The following DOCK4 variants were observed in gnomAD, a reference collection of about 807,000 sequenced individuals.
DOCK4 encodes the protein dedicator of cytokinesis protein 4.
A neutral mutation model predicts 268.1 loss-of-function variants in DOCK4; 97 were observed. The ratio of observed to expected loss-of-function variants is 0.36; its 90% CI spans 0.31 to 0.43. DOCK4 has a LOEUF of 0.43. Ranked by LOEUF, DOCK4 falls within the 20% of genes least tolerant of loss-of-function variation. The probability of loss-of-function intolerance (pLI) is 1.00; values close to 1 mark genes in which losing one functional copy is unlikely to be tolerated. For synonymous variants in DOCK4, 954 were observed against 887.2 expected (o/e 1.08, Z -1.34); for missense variants, 2,145 against 2,455.7 (o/e 0.87, Z 2.67).
At chr7:111,832,270 C>T (rs1802880567) in intron 26 of DOCK4, among the ~76,000 whole-genome samples, 1 of 152,146 alleles carries the variant, frequency 6.6e-6, no homozygotes, top group South Asian at 2.1e-4. Context: ...GGAAGTTTTC[C>T]TGTTGCCTTG....
At chr7:112,009,648 G>A (rs1801132649) in intron 1 of DOCK4, among the ~76,000 whole-genome samples, 1 of 152,020 alleles carries the variant, frequency 6.6e-6, no homozygotes, top group Admixed American at 6.6e-5. Context: ...ATTCGGCTCT[G>A]GCGTGTCATG....
chr7:112,164,571 C>T lies in DOCK4; in HGVS notation c.37+41531G>A, dbSNP rs149833987. Among the ~76,000 whole-genome samples, 629 of 152,286 alleles carry T rather than the reference C, an allele frequency of 4.1e-3. 2 individuals are homozygous for T. The highest frequency in any genetic ancestry group is 0.017 in the Middle Eastern group (5 of 294). ...TTTATATACTCTATACACACACACA[C>T]GACTTTGTGTTCTATCTAAAATTCA... On this transcript the variant is annotated intron_variant, in intron 1 of 52. Transcript: ENST00000428084.
intron 28 of DOCK4, among the ~76,000 whole-genome samples, chr7:111,810,654 T>C (rs1223251429): frequency 6.6e-6 from 1 of 152,000 alleles, no homozygotes; most frequent in East Asian, 1.9e-4. Context: ...TCAAATGTAA[T>C]TGGTACAACC....
intron 1 of DOCK4, among the ~76,000 whole-genome samples, chr7:112,147,795 ATTTTTTTTTTTT>A (rs553280609): frequency 2.2e-4 from 23 of 102,860 alleles, no homozygotes; most frequent in Admixed American, 2.2e-4. Flanking sequence ...GCAAACGTAG[ATTTTTTTTTTTT>A]TTTTTTTTTT....
At chr7:112,016,949 G>C (rs1801858732) in intron 1 of DOCK4, among the ~76,000 whole-genome samples, 1 of 152,126 alleles carries the variant, frequency 6.6e-6, no homozygotes, top group African/African-American at 2.4e-5. Flanking sequence ...TTGCTTTTGA[G>C]CGATTTCAGC....
chr7:111,729,780 C>G (rs921941807), intron 52 of DOCK4, among the ~76,000 whole-genome samples: 1 of 152,174 alleles, frequency 6.6e-6, no homozygotes, highest in Admixed American at 6.6e-5. Context: ...CAGAGGCACC[C>G]GAGGTTCTGC....
intron 23 of DOCK4, among the ~76,000 whole-genome samples, chr7:111,861,469 G>A (rs1412494137): frequency 3.3e-5 from 5 of 151,992 alleles, no homozygotes; most frequent in African/African-American, 7.2e-5. Context: ...ATATTAGGCC[G>A]GGTGTGGTGG....
chr7:112,018,179 A>AAAAAAAAACACACAC, intron 1 of DOCK4, among the ~76,000 whole-genome samples: 1 of 72,590 alleles, frequency 1.4e-5, no homozygotes, highest in African/African-American at 5.4e-5. Context: ...AAAAAAAAAA[A>AAAAAAAAACACACAC]ACACAGGCAA....
At chr7:112,156,138 G>C (rs967892568) in intron 1 of DOCK4, among the ~76,000 whole-genome samples, 18 of 151,996 alleles carry the variant, frequency 1.2e-4, no homozygotes, top group African/African-American at 4.1e-4. Context: ...CCTTGAAATT[G>C]TACTTTACTG....
intron 1 of DOCK4, among the ~76,000 whole-genome samples, chr7:112,136,898 A>G (rs1008148116): frequency 2.6e-5 from 4 of 152,192 alleles, no homozygotes; most frequent in Non-Finnish European, 5.9e-5. Flanking sequence ...TTTATTTTCA[A>G]TGGGAAAGCA....
At chr7:111,732,109 A>T (rs1387098727) in intron 52 of DOCK4, 117 bp downstream of exon 52, 7 of 1,029,332 alleles carry the variant, frequency 6.8e-6, no homozygotes, top group Non-Finnish European at 7.2e-6. Context: ...TCCCTGATTG[A>T]TAAGTTCTTT....
intron 8 of DOCK4, chr7:111,971,186 T>G (rs536632505): frequency 6.5e-6 from 1 of 153,060 alleles, no homozygotes; most frequent in African/African-American, 2.4e-5. Context: ...AGGAGATTAT[T>G]TTTATGTACA....
intron 25 of DOCK4, among the ~76,000 whole-genome samples, chr7:111,844,020 A>G (rs999711266): frequency 2.0e-5 from 3 of 152,192 alleles, no homozygotes; most frequent in Non-Finnish European, 4.4e-5. Context: ...CACACCTGTA[A>G]TCCCAATACT....
rs564910154 is a variant in DOCK4, at chr7:112,127,833, A to C, written c.37+78269T>G. ...ATCATGAGGTCAAGAGTTTGAGACT[A>C]GCCTGGCCTACAGGGTAAAACCCCA... is the stretch of plus-strand genomic sequence containing the variant. On this transcript the variant is annotated intron_variant, in intron 1 of 52. Coordinates refer to ENST00000428084, the MANE Select transcript of DOCK4 (RefSeq NM_001363540.2). 1.4e-3 allele frequency among the ~76,000 whole-genome samples: 217 copies of C among 152,300 alleles called. 1 individual carries two copies. The highest frequency in any genetic ancestry group is 4.9e-3 in the African/African-American group (204 of 41,576).
intron 12 of DOCK4, among the ~76,000 whole-genome samples, chr7:111,932,725 T>C (rs74884889): frequency 1.2e-3 from 186 of 152,294 alleles, no homozygotes; most frequent in Non-Finnish European, 2.0e-3. Flanking sequence ...ACATTCTTCT[T>C]ATTGGGCCAA....
At chr7:111,782,515 C>T (rs1450222374) in intron 35 of DOCK4, among the ~76,000 whole-genome samples, 1 of 152,058 alleles carries the variant, frequency 6.6e-6, no homozygotes, top group South Asian at 2.1e-4. Flanking sequence ...GTAGAAAGAC[C>T]TCTAACAGGG....
At chr7:112,138,244 T>C (rs1814549928) in intron 1 of DOCK4, among the ~76,000 whole-genome samples, 2 of 152,374 alleles carry the variant, frequency 1.3e-5, no homozygotes, top group African/African-American at 4.8e-5. Flanking sequence ...ACCTTGACTA[T>C]AGTTTTTAGG....
chr7:111,984,262 G>T, intron 7 of DOCK4, 44 bp downstream of exon 7: 1 of 1,554,226 alleles, frequency 6.4e-7, no homozygotes, highest in Non-Finnish European at 8.8e-7. Context: ...ATGGAAACCA[G>T]AAAATTAGCA....
intron 30 of DOCK4, among the ~76,000 whole-genome samples, chr7:111,801,452 C>T (rs902019600): frequency 2.6e-5 from 4 of 152,226 alleles, no homozygotes; most frequent in African/African-American, 4.8e-5. Flanking sequence ...TCTAAATTGG[C>T]GCAAGACCAA....
Sources: allele counts gnomAD v4.1 joint callset (sites outside exome capture counted in the v4.1 genomes callset), GRCh38; gene constraint gnomAD v4.1.1; transcripts MANE v1.5; gene names NCBI Gene and HGNC (gene_info 2026-07-23, HGNC 2026-07-21).